Variants in OR52I2 observed in about 807,000 individuals in gnomAD.
OR52I2 encodes olfactory receptor 52I2.
For synonymous variants in OR52I2, 147 were observed against 151.9 expected (o/e 0.97, Z 0.24); for missense variants, 350 against 402.4 (o/e 0.87, Z 1.11).
At chr11:4,587,685 G>T (rs779050799) in exon 2 of OR52I2, 5 of 1,614,034 alleles carry the variant, frequency 3.1e-6, no homozygotes, top group Non-Finnish European at 4.2e-6. Context: ...CCATCTATGC[G>T]GCCTGGTTGG....
At chr11:4,583,233 C>A (rs745372865) in intron 1 of OR52I2, among the ~76,000 whole-genome samples, 1 of 152,060 alleles carries the variant, frequency 6.6e-6, no homozygotes, top group African/African-American at 2.4e-5. Flanking sequence ...AATTAAATCT[C>A]TAGCAGTGCT....
exon 2 of OR52I2, chr11:4,589,507 G>A (rs1453008192): frequency 6.6e-6 from 1 of 152,168 alleles, no homozygotes; most frequent in African/African-American, 2.4e-5. Context: ...CCCCAGAATA[G>A]AAAATATAAG....
At chr11:4,583,461 G>C (rs1308801409) in intron 1 of OR52I2, among the ~76,000 whole-genome samples, 1 of 152,148 alleles carries the variant, frequency 6.6e-6, no homozygotes, top group African/African-American at 2.4e-5. Context: ...GGATCCTCAA[G>C]CTTTCTGCAG....
At chr11:4,586,493 C>T (rs1377841389) in intron 1 of OR52I2, among the ~76,000 whole-genome samples, 1 of 152,206 alleles carries the variant, frequency 6.6e-6, no homozygotes, top group South Asian at 2.1e-4. Context: ...TGTATAAGAT[C>T]ATAAACAAGA....
chr11:4,588,937 TG>T, exon 2 of OR52I2: 1 of 152,240 alleles, frequency 6.6e-6, no homozygotes, highest in East Asian at 1.9e-4. Flanking sequence ...AAAGAGCATT[TG>T]TTATGATGCC....
Position 4,588,145 on chromosome 11 carries a change from A to G in OR52I2, c.*280A>G, listed in dbSNP as rs143858097. 221 of 390,808 alleles carry G rather than the reference A, an allele frequency of 5.7e-4. 2 individuals carry two copies. The highest frequency in any genetic ancestry group is 4.0e-3 in the African/African-American group (197 of 49,738). 24.2% of individuals were successfully genotyped at this position (390,808 alleles called of 1,614,324 possible). A position where few individuals can be genotyped will look rare whatever the true frequency, so the allele number is the denominator to read the frequency against. The stretch of plus-strand genomic sequence containing the variant: ...CTGCTCTTTAGGAATGTGCTAGGTT[A>G]GGCTGAGGAAGGCACAAAGCCTCTT... On this transcript the variant is annotated 3_prime_UTR_variant, in exon 2 of 2. Coordinates refer to ENST00000641896, the Ensembl canonical transcript of OR52I2.
intron 1 of OR52I2, among the ~76,000 whole-genome samples, chr11:4,582,629 C>T (rs561053415): frequency 4.0e-5 from 6 of 151,566 alleles, no homozygotes; most frequent in African/African-American, 1.5e-4. Context: ...TTAGTAGAGA[C>T]GGGGTTTTGC....
At chr11:4,590,585 C>T (rs922357465) in exon 2 of OR52I2, 1 of 152,124 alleles carries the variant, frequency 6.6e-6, no homozygotes, top group Admixed American at 6.5e-5. Flanking sequence ...CTGAGGCTGC[C>T]TCTTGAAGAA....
At chr11:4,593,217 G>A (rs1846365970) in exon 2 of OR52I2, 1 of 152,530 alleles carries the variant, frequency 6.6e-6, no homozygotes, top group Admixed American at 6.5e-5. Flanking sequence ...TTGTATTAAA[G>A]AACCATAACA....
At chr11:4,586,375 T>G (rs1846300924) in intron 1 of OR52I2, among the ~76,000 whole-genome samples, 1 of 151,814 alleles carries the variant, frequency 6.6e-6, no homozygotes, top group Admixed American at 6.6e-5. Flanking sequence ...GAAAGACAGA[T>G]TCATTTCTCT....
chr11:4,587,377 C>G (rs1394056837), exon 2 of OR52I2: 1 of 1,613,520 alleles, frequency 6.2e-7, no homozygotes, highest in Non-Finnish European at 8.5e-7. Context: ...CATAACTCCA[C>G]TGAGTTGGAT....
At chr11:4,583,871 C>T (rs1846278902) in intron 1 of OR52I2, among the ~76,000 whole-genome samples, 1 of 152,148 alleles carries the variant, frequency 6.6e-6, no homozygotes, top group African/African-American at 2.4e-5. Flanking sequence ...TCAATCAGTG[C>T]TAGGCTTTCT....
At chr11:4,586,351 G>C (rs1213912969) in intron 1 of OR52I2, among the ~76,000 whole-genome samples, 1 of 152,102 alleles carries the variant, frequency 6.6e-6, no homozygotes, top group African/African-American at 2.4e-5. Flanking sequence ...ACTAGTAACT[G>C]AGCGTACAGA....
intron 1 of OR52I2, among the ~76,000 whole-genome samples, chr11:4,584,095 G>A (rs1033661567): frequency 6.6e-6 from 1 of 152,188 alleles, no homozygotes; most frequent in African/African-American, 2.4e-5. Flanking sequence ...AGTATACAAG[G>A]GTAGGGATAT....
Position 4,587,892 on chromosome 11 carries a change from A to G in OR52I2, c.*27A>G, listed in dbSNP as rs544994922. The G allele has an allele frequency of 7.6e-5, 120 of 1,570,658 alleles. 2 individuals carry two copies. The Middle Eastern group carries it at 2.0e-3, about 27-fold the overall frequency. Reference sequence around the variant, plus strand: ...CACAATATCTGTTCAGATCCAGCCAATTTCAAAGATGCCTTAGAGATCTGC... The same window carrying G: ...CACAATATCTGTTCAGATCCAGCCAGTTTCAAAGATGCCTTAGAGATCTGC... On this transcript the variant is annotated 3_prime_UTR_variant, in exon 2 of 2. Transcript: ENST00000641896.
rs929939006 is a variant in OR52I2, at chr11:4,588,168, C to A, written c.*303C>A. The A allele has an allele frequency of 3.0e-5, 10 of 333,698 alleles. No homozygotes were observed. In the South Asian group the frequency reaches 4.4e-4, roughly 15 times the overall value. The allele number at this position is 333,698 out of a possible 1,614,324, so 20.7% of individuals were successfully genotyped here. A position where few individuals can be genotyped will look rare whatever the true frequency, so the allele number is the denominator to read the frequency against. Reference sequence around the variant, plus strand: ...TTAGGCTGAGGAAGGCACAAAGCCTCTTCCTGCTCCTGCCTCACCAACTCT... The same window carrying A: ...TTAGGCTGAGGAAGGCACAAAGCCTATTCCTGCTCCTGCCTCACCAACTCT... On this transcript the variant is annotated 3_prime_UTR_variant, in exon 2 of 2. Transcript: ENST00000641896.
chr11:4,587,203 A>G (rs1417832055), exon 2 of OR52I2: 1 of 1,613,948 alleles, frequency 6.2e-7, no homozygotes, highest in Admixed American at 1.7e-5. Flanking sequence ...TTTCACTCAG[A>G]TGTTTTTTGT....
chr11:4,591,079 C>G (rs1294588752), exon 2 of OR52I2: 1 of 152,106 alleles, frequency 6.6e-6, no homozygotes, highest in Admixed American at 6.6e-5. Context: ...GTGCTAGGCT[C>G]TGTAGGAGGT....
intron 1 of OR52I2, 65 bp from the exon 2 acceptor site, chr11:4,586,807 C>T: frequency 6.2e-7 from 1 of 1,610,360 alleles, no homozygotes; most frequent in Non-Finnish European, 8.5e-7. Context: ...GTTTTCCCAG[C>T]ACCACATGTG....
Sources: gnomAD v4.1 joint callset for allele counts (sites outside exome capture counted in the v4.1 genomes callset) on GRCh38, gnomAD v4.1.1 for gene constraint, MANE v1.5 for transcripts, NCBI Gene and HGNC (gene_info 2026-07-23, HGNC 2026-07-21) for gene names.